Variants in MCAM observed in about 807,000 individuals in gnomAD.
The protein encoded by MCAM is cell surface glycoprotein MUC18.
MCAM carries 55 observed loss-of-function variants against 79.1 expected under a neutral mutation model. The observed-to-expected ratio is 0.70, with a 90% CI of 0.56 to 0.87. MCAM has a LOEUF of 0.87. Ranked by LOEUF, MCAM falls within the 40% of genes least tolerant of loss-of-function variation. The pLI, the probability that MCAM is intolerant of heterozygous loss-of-function variation, is 0.00. For synonymous variants in MCAM, 330 were observed against 339.8 expected (o/e 0.97, Z 0.32); for missense variants, 745 against 839.8 (o/e 0.89, Z 1.40).
In MCAM at chr11:119,312,648, T is replaced by C. The variant is rs1186485167; in HGVS notation, c.740A>G (p.Tyr247Cys). Residue 247 changes from tyrosine (Y) to cysteine (C), a missense_variant and splice_region_variant, in exon 7 of 16, where the codon TAC becomes TGC. Coordinates refer to ENST00000264036, the MANE Select transcript of MCAM (RefSeq NM_006500.3). The surrounding 1 kb of genome is among the most constrained non-coding windows in gnomAD (Gnocchi z 4.9). ...TTCCAGCCACACTTTTTCTGTCGGG[T>C]CTGCATAGGCAAAGGGGGTAGCTCT... The part of the protein sequence containing the change: ...ESREVTVPVF[Y>C]PTEKVWLEVE... The C allele has an allele frequency of 1.9e-6, 3 of 1,613,940 alleles. No homozygotes were observed. The highest frequency in any genetic ancestry group is 1.7e-5 in the Admixed American group (1 of 59,986).
At chr11:119,310,079 C>A (rs1395326668) in intron 15 of MCAM, 164 bp from the exon 16 acceptor site, 2 of 670,630 alleles carry the variant, frequency 3.0e-6, no homozygotes, top group Admixed American at 4.9e-5. Context: ...GAGGGCGGCC[C>A]CCGTCTGACT....
At position 119,315,104 on chromosome 11, in the gene MCAM, C is replaced by T. The variant is rs1381679843; in HGVS notation, c.192+35G>A. On this transcript the variant is annotated intron_variant, in intron 2 of 15. Coordinates refer to ENST00000264036, the MANE Select transcript of MCAM (RefSeq NM_006500.3). The surrounding 1 kb of genome is among the most constrained non-coding windows in gnomAD (Gnocchi z 4.4). The stretch of plus-strand genomic sequence containing the variant: ...GCTACAAGAGGGGCAGAGTCTCCCT[C>T]CCCGGGCTGCTCTTGCAGGAGCCCA... 6.2e-7 allele frequency: 1 copy of T among 1,612,636 alleles called. No homozygotes were observed. Among genetic ancestry groups the T allele is most frequent in the South Asian group, 1.1e-5 (1 of 91,086 alleles).
Position 119,311,063 on chromosome 11 carries a change from C to T in MCAM, c.1645+27G>A, listed in dbSNP as rs773835505. 3 of 1,614,082 alleles carry T rather than the reference C, an allele frequency of 1.9e-6. No individual in the cohort carries two copies. Among genetic ancestry groups the T allele is most frequent in the Non-Finnish European group, 2.5e-6 (3 of 1,180,032 alleles). On this transcript the variant is annotated intron_variant, in intron 13 of 15. Coordinates refer to ENST00000264036, the MANE Select transcript of MCAM (RefSeq NM_006500.3). This position sits in a 1 kb window ranked among gnomAD's most constrained non-coding sequence, Gnocchi z 4.4. The stretch of plus-strand genomic sequence containing the variant: ...GGCAGAAAGGATGCCCTGGCACAGC[C>T]CTGTTCTCTTGCCAGGCCTGGCTTA...
chr11:119,314,290 G>A (rs1950276881), intron 5 of MCAM, 199 bp downstream of exon 5: 1 of 567,480 alleles, frequency 1.8e-6, no homozygotes, highest in Non-Finnish European at 3.1e-6. Flanking sequence ...CAAGTATCTG[G>A]GACCACAGGC....
intron 15 of MCAM, 26 bp from the exon 16 acceptor site, chr11:119,309,941 G>A (rs1338907834): frequency 6.3e-7 from 1 of 1,591,084 alleles, no homozygotes; most frequent in Non-Finnish European, 8.6e-7. Flanking sequence ...GGAGAAGAGG[G>A]GAACACGGAG....
chr11:119,313,968 A>G, intron 5 of MCAM: 2 of 967,232 alleles, frequency 2.1e-6, no homozygotes, highest in Non-Finnish European at 2.5e-6. Flanking sequence ...AAATACATAG[A>G]AATAGGCTTG....
rs1950240223 is a variant in MCAM, at chr11:119,311,948, G to A, written c.1145C>T (p.Thr382Ile). 1.9e-6 allele frequency: 3 copies of A among 1,613,592 alleles called. No individual in the cohort carries two copies. The highest frequency in any genetic ancestry group is 8.5e-7 in the Non-Finnish European group (1 of 1,180,002). The part of the protein sequence containing the change: ...DLEFQWLREE[T>I]GQVLERGPVL... ...AGGCCCCCTTTCCAGCACCTGGCCTGTCTGGGATGAGAGATGGGTCAGAGG... is the reference window on the plus strand; with the variant it reads ...AGGCCCCCTTTCCAGCACCTGGCCTATCTGGGATGAGAGATGGGTCAGAGG... The change falls in exon 10 of 16, where the codon ACA becomes ATA. Residue 382 changes from threonine to isoleucine, a missense_variant and splice_region_variant. Coordinates refer to ENST00000264036, the MANE Select transcript of MCAM (RefSeq NM_006500.3). The surrounding 1 kb of genome is among the most constrained non-coding windows in gnomAD (Gnocchi z 4.4).
Position 119,314,573 on chromosome 11 carries a change from C to G in MCAM, c.475G>C (p.Ala159Pro). ...TACCCGTTCCTCCCTACACAGGTAG[C>G]GACCTAAAGAGCACAGGGTGTGAGT... ...PVNSKEPEEV[A>P]TCVGRNGYPI... is the part of the protein sequence containing the mutation. Residue 159 changes from alanine to proline, a missense_variant, in exon 5 of 16, where the codon GCT becomes CCT. Coordinates refer to ENST00000264036, the MANE Select transcript of MCAM (RefSeq NM_006500.3). The G allele has an allele frequency of 6.2e-7, 1 of 1,613,784 alleles. No individual in the cohort carries two copies. The highest frequency in any genetic ancestry group is 1.3e-5 in the African/African-American group (1 of 75,016).
chr11:119,316,861 T>C lies in MCAM; in HGVS notation c.67+174A>G. On this transcript the variant is annotated intron_variant, in intron 1 of 15. Transcript: ENST00000264036. This position sits in a 1 kb window ranked among gnomAD's most constrained non-coding sequence, Gnocchi z 4.8. ...ATACTCTAGAATCCCGGCTGCAAAC[T>C]GGCTGCAAAGAAGAGTTGCTCGCGC... The C allele has an allele frequency of 1.8e-6, 1 of 557,178 alleles. No individual in the cohort carries two copies. Among genetic ancestry groups the C allele is most frequent in the South Asian group, 2.1e-5 (1 of 46,664 alleles). 34.5% of individuals were successfully genotyped at this position (557,178 alleles called of 1,614,324 possible).
At position 119,311,146 on chromosome 11, in the gene MCAM, G is replaced by A. The variant is rs748815442; in HGVS notation, c.1589C>T (p.Thr530Ile). The A allele has an allele frequency of 9.9e-6, 16 of 1,614,124 alleles. No homozygotes were observed. In the South Asian group the frequency reaches 1.2e-4, roughly 12 times the overall value. The change falls in exon 13 of 16, where the codon ACT (threonine) becomes ATT (isoleucine). Residue 530 changes from threonine to isoleucine, a missense_variant. Coordinates refer to ENST00000264036, the MANE Select transcript of MCAM (RefSeq NM_006500.3). The surrounding 1 kb of genome is among the most constrained non-coding windows in gnomAD (Gnocchi z 4.4). ...ACTGGCAGTGGAAGTGCTGAGGCCA[G>A]TGGTTGTGTTGGAGTCTGGTGTGAG... ...TTLTPDSNTT[T>I]GLSTSTASPH...
At position 119,312,196 on chromosome 11, in the gene MCAM, C is replaced by T; in HGVS notation, c.1025-26G>A. ...CTGGGGGTACAGCAATCATGTCACC[C>T]AGGGCAGGGTGGGGCCAGTTCCCTA... is the stretch of plus-strand genomic sequence containing the variant. On this transcript the variant is annotated intron_variant, in intron 8 of 15. Coordinates refer to ENST00000264036, the MANE Select transcript of MCAM (RefSeq NM_006500.3). This position sits in a 1 kb window ranked among gnomAD's most constrained non-coding sequence, Gnocchi z 4.9. 6.2e-7 allele frequency: 1 copy of T among 1,610,868 alleles called. No individual in the cohort carries two copies.
rs187723389 is a variant in MCAM, at chr11:119,310,081, C to T, written c.1912-166G>A. On this transcript the variant is annotated intron_variant, in intron 15 of 15. Coordinates refer to ENST00000264036, the MANE Select transcript of MCAM (RefSeq NM_006500.3). ...CAGGCCAGGGAAGGAGGGCGGCCCC[C>T]GTCTGACTGCACTGGTGAAATGGCC... is the stretch of plus-strand genomic sequence containing the variant. 4.4e-4 allele frequency: 293 copies of T among 665,568 alleles called. 1 individual carries two copies. In the Middle Eastern group the frequency reaches 5.3e-3, roughly 12 times the overall value. The allele number at this position is 665,568 out of a possible 1,614,324, so 41.2% of individuals were successfully genotyped here.
rs919737577 is a variant in MCAM at position 119,315,446 on chromosome 11, A to G, written c.68-183T>C. ...ACCTGGGCCAGCCCTCTCCCCGTCCAGGAGATCCCAGGTCCTTGGAGCCAA... is the reference window on the plus strand; with the variant it reads ...ACCTGGGCCAGCCCTCTCCCCGTCCGGGAGATCCCAGGTCCTTGGAGCCAA... On this transcript the variant is annotated intron_variant, in intron 1 of 15. Transcript: ENST00000264036. This position sits in a 1 kb window ranked among gnomAD's most constrained non-coding sequence, Gnocchi z 4.4. The G allele has an allele frequency of 3.1e-6, 2 of 652,636 alleles. No individual in the cohort carries two copies. Among genetic ancestry groups the G allele is most frequent in the African/African-American group, 3.7e-5 (2 of 54,440 alleles). 40.4% of individuals were successfully genotyped at this position (652,636 alleles called of 1,614,324 possible). A position where few individuals can be genotyped will look rare whatever the true frequency, so the allele number is the denominator to read the frequency against.
At position 119,311,805 on chromosome 11, in the gene MCAM, C is replaced by T. The variant is rs143678540; in HGVS notation, c.1285+3G>A. On this transcript the variant is annotated splice_donor_region_variant and intron_variant, in intron 10 of 15. Transcript: ENST00000264036. The surrounding 1 kb of genome is among the most constrained non-coding windows in gnomAD (Gnocchi z 4.4). ...TGGTCTCTACCCAGAGGGAGGGCCT[C>T]ACCAAAAATGGCCACGTTGACCAGC... is the stretch of plus-strand genomic sequence containing the variant. The T allele has an allele frequency of 6.8e-6, 11 of 1,613,964 alleles. No individual in the cohort carries two copies. Among genetic ancestry groups the T allele is most frequent in the Middle Eastern group, 1.7e-4 (1 of 6,054 alleles).
At chr11:119,310,550 G>C in intron 14 of MCAM, 84 bp from the exon 15 acceptor site, 1 of 1,115,950 alleles carries the variant, frequency 9.0e-7, no homozygotes, top group East Asian at 2.3e-5. Context: ...TGGAATGGAT[G>C]AGGGCTCCTT....
Position 119,310,330 on chromosome 11 carries a change from C to T in MCAM, c.1911+19G>A, listed in dbSNP as rs373552596. On this transcript the variant is annotated intron_variant, in intron 15 of 15. Transcript: ENST00000264036. ...CCCTGAGGATGTGGCAGGCTCTGGCCACAGGAACCGCCTCCTACCTGGTCT... is the reference window on the plus strand; with the variant it reads ...CCCTGAGGATGTGGCAGGCTCTGGCTACAGGAACCGCCTCCTACCTGGTCT... 5.3e-4 allele frequency: 810 copies of T among 1,542,696 alleles called. 3 individuals are homozygous for T. Among genetic ancestry groups the T allele is most frequent in the South Asian group, 6.8e-4 (61 of 89,614 alleles).
In MCAM at chr11:119,315,841, T is replaced by A. The variant is rs1366814849; in HGVS notation, c.68-578A>T. 1 of 157,616 alleles carries A rather than the reference T, an allele frequency of 6.3e-6. No homozygotes were observed. The highest frequency in any genetic ancestry group is 2.4e-5 in the African/African-American group (1 of 41,462). 9.8% of individuals were successfully genotyped at this position (157,616 alleles called of 1,614,324 possible). Reference sequence around the variant, plus strand: ...TAGGTAGCTGGTAAGGATGGAGAGGTCAGAGTCTCCCCCAGGGGTCAGGGC... The same window carrying A: ...TAGGTAGCTGGTAAGGATGGAGAGGACAGAGTCTCCCCCAGGGGTCAGGGC... On this transcript the variant is annotated intron_variant, in intron 1 of 15. Coordinates refer to ENST00000264036, the MANE Select transcript of MCAM (RefSeq NM_006500.3). This position sits in a 1 kb window ranked among gnomAD's most constrained non-coding sequence, Gnocchi z 4.4.
At position 119,309,862 on chromosome 11, in the gene MCAM, G is replaced by A; in HGVS notation, c.*24C>T. The A allele has an allele frequency of 6.3e-7, 1 of 1,593,088 alleles. No individual in the cohort carries two copies. On this transcript the variant is annotated 3_prime_UTR_variant, in exon 16 of 16. Transcript: ENST00000264036. Reference sequence around the variant, plus strand: ...GGGAGCTGGGAATGGTCCAGGCAGGGAAGGGAGCTGAAGTGATTCGGGGCT... The same window carrying A: ...GGGAGCTGGGAATGGTCCAGGCAGGAAAGGGAGCTGAAGTGATTCGGGGCT...
rs1565279585 is a variant in MCAM, at chr11:119,311,166, T to A, written c.1569A>T (p.Thr523=). 6.2e-7 allele frequency: 1 copy of A among 1,614,116 alleles called. No individual in the cohort carries two copies. The change falls in exon 13 of 16, where the codon ACA becomes ACT. Residue 523 remains threonine, a synonymous_variant. Coordinates refer to ENST00000264036, the MANE Select transcript of MCAM (RefSeq NM_006500.3). This position sits in a 1 kb window ranked among gnomAD's most constrained non-coding sequence, Gnocchi z 4.4. ...FLELVNLTTL[T]PDSNTTTGLS... ...GGCCAGTGGTTGTGTTGGAGTCTGG[T>A]GTGAGGGTGGTTAAATTGACTAGGA...
Sources: gnomAD v4.1 joint callset for allele counts on GRCh38, gnomAD v4.1.1 for gene constraint, Gnocchi (gnomAD v3.1) non-coding constraint, MANE v1.5 for transcripts, NCBI Gene and HGNC (gene_info 2026-07-23, HGNC 2026-07-21) for gene names.